The following PPEF2 variants were observed in gnomAD, a reference collection of about 807,000 sequenced individuals.
PPEF2 encodes the protein serine/threonine-protein phosphatase with EF-hands 2.
A neutral mutation model predicts 84.7 loss-of-function variants in PPEF2; 84 were observed. That is an observed-to-expected ratio of 0.99 (90% CI 0.83 to 1.19). The LOEUF is 1.19. Among genes scored for constraint, PPEF2 ranks in the 50% most tolerant of loss-of-function variants. The probability of loss-of-function intolerance (pLI) is 0.00; values close to 1 mark genes in which losing one functional copy is unlikely to be tolerated. For missense variants in PPEF2, 924 were observed against 937.5 expected (o/e 0.99, Z 0.19); for synonymous variants, 346 against 345.2 (o/e 1.00, Z -0.03).
chr4:75,879,754 C>T (rs1338734773), intron 10 of PPEF2, among the ~76,000 whole-genome samples: 1 of 152,022 alleles, frequency 6.6e-6, no homozygotes, highest in African/African-American at 2.4e-5. Context: ...TGCTCTGAGG[C>T]TTAATTTAGA....
chr4:75,882,231 C>A (rs1724594474), intron 10 of PPEF2, among the ~76,000 whole-genome samples: 1 of 152,174 alleles, frequency 6.6e-6, no homozygotes, highest in South Asian at 2.1e-4. Flanking sequence ...ATAGTAAGCA[C>A]TCAAAGCACA....
intron 8 of PPEF2, among the ~76,000 whole-genome samples, chr4:75,884,001 C>G (rs962013273): frequency 6.6e-6 from 1 of 151,624 alleles, no homozygotes; most frequent in Non-Finnish European, 1.5e-5. Flanking sequence ...GGCGTGGTGG[C>G]AGGTGCCTGT....
At chr4:75,901,037 C>T (rs778409821) in intron 1 of PPEF2, among the ~76,000 whole-genome samples, 33 of 152,238 alleles carry the variant, frequency 2.2e-4, no homozygotes, top group Non-Finnish European at 3.1e-4. Context: ...TGAGAGATTT[C>T]CATTTTTAAC....
At chr4:75,887,222 C>G (rs113101312) in intron 6 of PPEF2, among the ~76,000 whole-genome samples, 110 of 152,334 alleles carry the variant, frequency 7.2e-4, no homozygotes, top group African/African-American at 2.4e-3. Context: ...TAGAAAGCAG[C>G]TACTCACTTA....
chr4:75,894,599 G>A (rs1724965311), intron 2 of PPEF2, among the ~76,000 whole-genome samples: 1 of 152,190 alleles, frequency 6.6e-6, no homozygotes, highest in Admixed American at 6.5e-5. Flanking sequence ...GGCCCCAGGG[G>A]AATCTCAACC....
intron 5 of PPEF2, among the ~76,000 whole-genome samples, 171 bp from the exon 6 acceptor site, chr4:75,888,499 C>T (rs1328758096): frequency 6.6e-6 from 1 of 152,164 alleles, no homozygotes; most frequent in Non-Finnish European, 1.5e-5. Context: ...CAACTTCTGC[C>T]CTTGTTTCTG....
At chr4:75,885,700 T>TA (rs1724701999) in intron 7 of PPEF2, among the ~76,000 whole-genome samples, 2 of 151,832 alleles carry the variant, frequency 1.3e-5, no homozygotes, top group Admixed American at 1.3e-4. Context: ...CCCGTCTCTA[T>TA]AAAAAATATA....
At chr4:75,871,562 C>G (rs1010716391) in intron 13 of PPEF2, among the ~76,000 whole-genome samples, 2 of 152,104 alleles carry the variant, frequency 1.3e-5, no homozygotes, top group African/African-American at 4.8e-5. Context: ...ACTCTACCTC[C>G]CAAGCTCAAG....
chr4:75,876,271 G>C lies in PPEF2; in HGVS notation c.1320+16C>G. 1 of 1,573,982 alleles carries C rather than the reference G, an allele frequency of 6.4e-7. No individual in the cohort carries two copies. Among genetic ancestry groups the C allele is most frequent in the Non-Finnish European group, 8.6e-7 (1 of 1,159,520 alleles). ...TGGCAGCCACATGCTAGGAAGCAGC[G>C]CCTGGCCACGCTCACCTGCCTCCAC... On this transcript the variant is annotated intron_variant, in intron 11 of 16. Transcript: ENST00000286719.
chr4:75,868,931 C>CTTA (rs1724200260), intron 13 of PPEF2, among the ~76,000 whole-genome samples: 1 of 152,074 alleles, frequency 6.6e-6, no homozygotes, highest in Non-Finnish European at 1.5e-5. Flanking sequence ...ATTGCTTGAG[C>CTTA]CCAGGAGTTC....
rs569141210 is a variant in PPEF2 at position 75,893,152 on chromosome 4, G to A, written c.56-1174C>T. On this transcript the variant is annotated intron_variant, in intron 2 of 16. Coordinates refer to ENST00000286719, the MANE Select transcript of PPEF2 (RefSeq NM_006239.3). ...ATTTCTCAAAGGCACTCACTAAATA[G>A]TAAGCGATGAGGTTGAACCCCACTG... is the stretch of plus-strand genomic sequence containing the variant. Among the ~76,000 whole-genome samples, 6 of 152,278 alleles carry A rather than the reference G, an allele frequency of 3.9e-5. No individual in the cohort carries two copies. In the South Asian group the frequency reaches 1.2e-3, roughly 32 times the overall value.
intron 16 of PPEF2, 140 bp from the exon 17 acceptor site, chr4:75,861,060 A>G (rs1476096334): frequency 2.9e-6 from 3 of 1,026,190 alleles, no homozygotes; most frequent in Non-Finnish European, 4.2e-6. Context: ...TAAACTCCCA[A>G]GAGGATCACA....
chr4:75,899,027 C>T (rs928178980), intron 1 of PPEF2, among the ~76,000 whole-genome samples: 7 of 152,156 alleles, frequency 4.6e-5, no homozygotes, highest in Non-Finnish European at 1.5e-5. Flanking sequence ...CTATTTTCCC[C>T]AGTCTCTAGT....
chr4:75,873,373 T>C, intron 11 of PPEF2, 61 bp from the exon 12 acceptor site: 3 of 1,433,474 alleles, frequency 2.1e-6, no homozygotes, highest in South Asian at 1.3e-5. Flanking sequence ...TCCACAGTCA[T>C]TCAAATGAAA....
intron 6 of PPEF2, among the ~76,000 whole-genome samples, 153 bp downstream of exon 6, chr4:75,888,061 T>C (rs536984628): frequency 5.3e-4 from 80 of 152,152 alleles, no homozygotes; most frequent in Non-Finnish European, 8.5e-4. Context: ...TTTAGGTAAA[T>C]GTGGAGTGAA....
chr4:75,870,590 AT>A (rs1280521518), intron 13 of PPEF2, among the ~76,000 whole-genome samples: 1 of 152,204 alleles, frequency 6.6e-6, no homozygotes, highest in Non-Finnish European at 1.5e-5. Context: ...AGCATCTTAT[AT>A]ACTCTGAGGC....
intron 1 of PPEF2, among the ~76,000 whole-genome samples, chr4:75,899,095 G>A (rs941096261): frequency 6.6e-6 from 1 of 152,110 alleles, no homozygotes; most frequent in Non-Finnish European, 1.5e-5. Context: ...CCACATATGA[G>A]TGAGATCACG....
intron 1 of PPEF2, among the ~76,000 whole-genome samples, chr4:75,899,996 A>C (rs1397993623): frequency 6.6e-6 from 1 of 152,216 alleles, no homozygotes. Flanking sequence ...CAGTTTTCTC[A>C]TCTATGTATC....
intron 15 of PPEF2, among the ~76,000 whole-genome samples, chr4:75,865,481 G>C (rs553940272): frequency 6.6e-6 from 1 of 152,120 alleles, no homozygotes; most frequent in South Asian, 2.1e-4. Flanking sequence ...TCTGCCTCCT[G>C]GGTTCAAGCA....
Sources: gnomAD v4.1 joint callset for allele counts (sites outside exome capture counted in the v4.1 genomes callset) on GRCh38, gnomAD v4.1.1 for gene constraint, MANE v1.5 for transcripts, NCBI Gene and HGNC (gene_info 2026-07-23, HGNC 2026-07-21) for gene names.